The following LRFN2 variants were observed in gnomAD, a reference collection of about 807,000 sequenced individuals.
LRFN2 encodes the protein leucine-rich repeat and fibronectin type-III domain-containing protein 2.
A neutral mutation model predicts 37.3 loss-of-function variants in LRFN2; 18 were observed. The observed-to-expected ratio is 0.48, with a 90% CI of 0.33 to 0.72. LRFN2 has a LOEUF of 0.72. LRFN2 is among the 30% of genes least tolerant of loss of function. The pLI, the probability that LRFN2 is intolerant of heterozygous loss-of-function variation, is 0.02. For missense variants in LRFN2, 1,006 were observed against 1,060.7 expected (o/e 0.95, Z 0.72); for synonymous variants, 556 against 466.6 (o/e 1.19, Z -2.47).
chr6:40,530,939 T>A (rs1311638675), intron 1 of LRFN2, among the ~76,000 whole-genome samples: 1 of 152,152 alleles, frequency 6.6e-6, no homozygotes, highest in East Asian at 1.9e-4. Context: ...CAAGCGACAA[T>A]CCTTGGAGCC....
At chr6:40,554,508 G>C (rs557204842) in intron 1 of LRFN2, among the ~76,000 whole-genome samples, 1 of 152,272 alleles carries the variant, frequency 6.6e-6, no homozygotes, top group East Asian at 1.9e-4. Flanking sequence ...AAGACAAATT[G>C]ACAGGGAACA....
intron 1 of LRFN2, among the ~76,000 whole-genome samples, chr6:40,511,553 G>C (rs754402804): frequency 2.6e-5 from 4 of 152,232 alleles, no homozygotes; most frequent in Non-Finnish European, 4.4e-5. Flanking sequence ...CAGCTCTGGA[G>C]TGTGTGCTCT....
At chr6:40,502,820 G>A (rs186556976) in intron 1 of LRFN2, among the ~76,000 whole-genome samples, 5 of 152,332 alleles carry the variant, frequency 3.3e-5, no homozygotes, top group African/African-American at 9.6e-5. Context: ...GCTTAGAGTC[G>A]AGCGTTGGGG....
intron 1 of LRFN2, among the ~76,000 whole-genome samples, chr6:40,454,550 C>T (rs189639923): frequency 2.6e-5 from 4 of 152,134 alleles, no homozygotes; most frequent in Admixed American, 1.3e-4. Flanking sequence ...GTCATTGTAC[C>T]CTCAAATCAT....
chr6:40,533,712 T>C (rs1416339696), intron 1 of LRFN2, among the ~76,000 whole-genome samples: 2 of 152,084 alleles, frequency 1.3e-5, no homozygotes, highest in Non-Finnish European at 2.9e-5. Flanking sequence ...TAGAGGAGAC[T>C]TGACAAACAA....
At chr6:40,540,488 TC>T (rs1766533406) in intron 1 of LRFN2, among the ~76,000 whole-genome samples, 2 of 152,008 alleles carry the variant, frequency 1.3e-5, no homozygotes. Flanking sequence ...GGGAGCACTG[TC>T]CCACTCCACA....
chr6:40,580,292 C>A (rs1767374488), intron 1 of LRFN2, among the ~76,000 whole-genome samples: 1 of 152,130 alleles, frequency 6.6e-6, no homozygotes, highest in African/African-American at 2.4e-5. Context: ...AAGCTTCTAG[C>A]AGACTGAGAG....
At chr6:40,520,704 C>G (rs1243728382) in intron 1 of LRFN2, among the ~76,000 whole-genome samples, 1 of 152,088 alleles carries the variant, frequency 6.6e-6, no homozygotes, top group East Asian at 1.9e-4. Context: ...GAGGCTGGTG[C>G]AGGCTGCAGT....
intron 2 of LRFN2, among the ~76,000 whole-genome samples, chr6:40,416,113 A>G (rs1459251487): frequency 6.6e-6 from 1 of 152,068 alleles, no homozygotes; most frequent in African/African-American, 2.4e-5. Flanking sequence ...GGTTCAAGCA[A>G]TTTTCCTGCC....
intron 1 of LRFN2, among the ~76,000 whole-genome samples, chr6:40,539,012 C>A (rs1435944016): frequency 6.6e-6 from 1 of 152,168 alleles, no homozygotes; most frequent in African/African-American, 2.4e-5. Context: ...GAAGTCTGGG[C>A]TGTGTCCAGG....
chr6:40,435,240 A>C (rs911444019), intron 1 of LRFN2, among the ~76,000 whole-genome samples: 1 of 150,654 alleles, frequency 6.6e-6, no homozygotes, highest in African/African-American at 2.4e-5. Context: ...AATTCATGAC[A>C]GCCTGAAACT....
At chr6:40,572,167 A>G (rs1414841452) in intron 1 of LRFN2, among the ~76,000 whole-genome samples, 1 of 152,244 alleles carries the variant, frequency 6.6e-6, no homozygotes, top group Non-Finnish European at 1.5e-5. Flanking sequence ...TAAACCCTCT[A>G]TATCACAGTT....
chr6:40,472,795 G>A (rs1313972042), intron 1 of LRFN2, among the ~76,000 whole-genome samples: 1 of 152,148 alleles, frequency 6.6e-6, no homozygotes, highest in Non-Finnish European at 1.5e-5. Flanking sequence ...CACCTTGGCA[G>A]GCTGACATGT....
At chr6:40,426,652 T>C (rs957705815) in intron 2 of LRFN2, among the ~76,000 whole-genome samples, 6 of 152,232 alleles carry the variant, frequency 3.9e-5, no homozygotes, top group African/African-American at 1.4e-4. Flanking sequence ...TGTCTATATG[T>C]GTGCGTGTAT....
chr6:40,405,566 GAA>G (rs911742274), intron 2 of LRFN2, among the ~76,000 whole-genome samples: 1 of 152,152 alleles, frequency 6.6e-6, no homozygotes, highest in African/African-American at 2.4e-5. Context: ...TAACCCCAAG[GAA>G]ATGCCTCTCT....
intron 2 of LRFN2, among the ~76,000 whole-genome samples, chr6:40,422,812 G>A (rs1230355501): frequency 6.6e-6 from 1 of 152,152 alleles, no homozygotes; most frequent in Non-Finnish European, 1.5e-5. Flanking sequence ...CCAAACGTAT[G>A]TACAATTAAT....
At chr6:40,442,695 G>C (rs1250586840) in intron 1 of LRFN2, among the ~76,000 whole-genome samples, 2 of 152,166 alleles carry the variant, frequency 1.3e-5, no homozygotes, top group South Asian at 4.1e-4. Context: ...TCTTCTTTCT[G>C]TATACCAAGG....
chr6:40,485,725 C>T (rs1764941556), intron 1 of LRFN2, among the ~76,000 whole-genome samples: 1 of 152,178 alleles, frequency 6.6e-6, no homozygotes, highest in South Asian at 2.1e-4. Flanking sequence ...CCTGGAAGAA[C>T]TCAGGGCAAA....
intron 2 of LRFN2, among the ~76,000 whole-genome samples, chr6:40,393,159 G>T (rs934100444): frequency 4.6e-5 from 7 of 151,480 alleles, no homozygotes; most frequent in Non-Finnish European, 1.5e-5. Flanking sequence ...GGGGCAGGCA[G>T]GCAACAGGAA....
Sources: allele counts gnomAD v4.1 joint callset (sites outside exome capture counted in the v4.1 genomes callset), GRCh38; gene constraint gnomAD v4.1.1; transcripts MANE v1.5; gene names NCBI Gene and HGNC (gene_info 2026-07-23, HGNC 2026-07-21).